Variants in NYAP2 observed in about 807,000 individuals in gnomAD.
NYAP2 encodes the protein neuronal tyrosine-phosphorylated phosphoinositide-3-kinase adaptor 2, also known as neuronal tyrosine-phosphorylated phosphoinositide-3-kinase adapter 2.
A neutral mutation model predicts 50.4 loss-of-function variants in NYAP2; 23 were observed. The ratio of observed to expected loss-of-function variants is 0.46; its 90% CI spans 0.33 to 0.65. The LOEUF (loss-of-function observed/expected upper bound fraction) is 0.65. NYAP2 is among the 30% of genes least tolerant of loss of function. The probability of loss-of-function intolerance (pLI) is 0.02; values close to 1 mark genes in which losing one functional copy is unlikely to be tolerated. For synonymous variants in NYAP2, 394 were observed against 365.2 expected, an observed-to-expected ratio of 1.08 and a Z score of -0.90; for missense variants, 885 against 861.0, an observed-to-expected ratio of 1.03 and a Z score of -0.35.
chr2:225,470,811 ATG>A lies in NYAP2; in HGVS notation c.222-42546_222-42545del, dbSNP rs113075606. 1.6e-3 allele frequency among the ~76,000 whole-genome samples: 243 copies of A among 148,188 alleles called. 3 individuals are homozygous for A. In the Middle Eastern group the frequency reaches 0.022, roughly 13 times the overall value. ...TTACATGAAATATATATGTATGTAT[ATG>A]TGTGTGTGTGTGTATATATATTGAG... On this transcript the variant is annotated intron_variant, in intron 3 of 6. Coordinates refer to ENST00000636099, the Ensembl canonical transcript of NYAP2.
intron 3 of NYAP2, among the ~76,000 whole-genome samples, chr2:225,486,772 C>T (rs957546067): frequency 4.6e-5 from 7 of 151,088 alleles, no homozygotes; most frequent in Admixed American, 4.6e-4. Context: ...AGGATATTCT[C>T]CCTTCACAGT....
At chr2:225,521,629 T>C (rs1377468472) in intron 4 of NYAP2, among the ~76,000 whole-genome samples, 15 of 151,798 alleles carry the variant, frequency 9.9e-5, no homozygotes, top group Non-Finnish European at 1.2e-4. Flanking sequence ...GAAGCCCACT[T>C]GATCATGGTG....
In NYAP2 at chr2:225,512,828, TC is replaced by T. The variant is rs1478707223; in HGVS notation, c.222-542del. Among the ~76,000 whole-genome samples the T allele has an allele frequency of 3.4e-4, 31 of 92,032 alleles. 2 individuals carry two copies. The highest frequency in any genetic ancestry group is 6.8e-4 in the African/African-American group (14 of 20,482). The allele number at this position is 92,032 out of a possible 152,430, so 60.4% of individuals were successfully genotyped here. On this transcript the variant is annotated intron_variant, in intron 3 of 6. Coordinates refer to ENST00000636099, the Ensembl canonical transcript of NYAP2. ...TCTTTCTTTTCTTTCTTTCTCTCTC[TC>T]TCTCTCTCTTTCTTTCTTTCTTTCT...
chr2:225,581,961 C>G, exon 5 of NYAP2: 1 of 1,606,010 alleles, frequency 6.2e-7, no homozygotes, highest in Non-Finnish European at 8.5e-7. Flanking sequence ...ACCAAGACCC[C>G]ACAGCGATGA....
At chr2:225,637,514 G>T (rs1038834579) in intron 6 of NYAP2, among the ~76,000 whole-genome samples, 1 of 152,112 alleles carries the variant, frequency 6.6e-6, no homozygotes, top group South Asian at 2.1e-4. Context: ...TGGGTGCTTG[G>T]TGGCTTCCCC....
chr2:225,590,185 C>T (rs886797962), intron 5 of NYAP2, among the ~76,000 whole-genome samples: 1 of 152,198 alleles, frequency 6.6e-6, no homozygotes, highest in Non-Finnish European at 1.5e-5. Flanking sequence ...TTGTTGGTTG[C>T]TCCTCTGCCG....
intron 6 of NYAP2, among the ~76,000 whole-genome samples, chr2:225,650,051 A>T (rs1444296296): frequency 6.6e-6 from 1 of 152,202 alleles, no homozygotes; most frequent in African/African-American, 2.4e-5. Flanking sequence ...GCATTGTTGA[A>T]TAGGTGGAAA....
intron 4 of NYAP2, among the ~76,000 whole-genome samples, chr2:225,522,153 A>G (rs1352463834): frequency 6.6e-6 from 1 of 151,664 alleles, no homozygotes; most frequent in Non-Finnish European, 1.5e-5. Context: ...CATCTATTTG[A>G]TTCTTCTCTC....
intron 5 of NYAP2, among the ~76,000 whole-genome samples, chr2:225,626,023 G>A (rs907602291): frequency 6.6e-6 from 1 of 152,182 alleles, no homozygotes. Context: ...TCTTCTGACT[G>A]ATAGATTTGG....
intron 4 of NYAP2, among the ~76,000 whole-genome samples, chr2:225,514,563 T>C (rs1690893230): frequency 6.6e-6 from 1 of 152,146 alleles, no homozygotes; most frequent in Non-Finnish European, 1.5e-5. Flanking sequence ...AAGGCCTCCC[T>C]GGCCTCTTCG....
At chr2:225,641,422 A>AACACACACACACACAC (rs56041107) in intron 6 of NYAP2, among the ~76,000 whole-genome samples, 3 of 133,646 alleles carry the variant, frequency 2.2e-5, no homozygotes, top group Non-Finnish European at 4.7e-5. Context: ...CAATCCCTCA[A>AACACACACACACACAC]ACACACACAC....
At chr2:225,505,272 T>G (rs1264496645) in intron 3 of NYAP2, among the ~76,000 whole-genome samples, 1 of 152,066 alleles carries the variant, frequency 6.6e-6, no homozygotes, top group Non-Finnish European at 1.5e-5. Context: ...CTTAAAATAT[T>G]AGGTGCATAA....
intron 3 of NYAP2, among the ~76,000 whole-genome samples, chr2:225,488,539 A>G (rs1337026351): frequency 6.6e-6 from 1 of 152,000 alleles, no homozygotes; most frequent in Non-Finnish European, 1.5e-5. Flanking sequence ...AAGCCCAGCT[A>G]ATTTTTGTAT....
At chr2:225,557,741 A>C (rs1691804399) in intron 4 of NYAP2, among the ~76,000 whole-genome samples, 1 of 152,070 alleles carries the variant, frequency 6.6e-6, no homozygotes. Context: ...GTTTTATTTC[A>C]TTTTTCTCCC....
the NYAP2 span, among the ~76,000 whole-genome samples, chr2:225,678,376 T>C: frequency 6.6e-6 from 1 of 152,184 alleles, no homozygotes; most frequent in Admixed American, 6.6e-5. Flanking sequence ...CTTTGTTTCA[T>C]TGATCTTTTG....
chr2:225,658,541 G>T (rs145503883), downstream of NYAP2, among the ~76,000 whole-genome samples: 404 of 152,320 alleles, frequency 2.7e-3, 5 homozygotes, highest in African/African-American at 9.4e-3. Context: ...AAGAATGTCA[G>T]TGGCTAAGTG....
intron 5 of NYAP2, among the ~76,000 whole-genome samples, chr2:225,619,171 T>G (rs1693044939): frequency 1.3e-5 from 2 of 152,240 alleles, no homozygotes; most frequent in Admixed American, 1.3e-4. Context: ...GACACAATAA[T>G]AGCAATTATT....
intron 4 of NYAP2, among the ~76,000 whole-genome samples, chr2:225,529,719 A>G (rs892182284): frequency 2.7e-5 from 4 of 148,914 alleles, no homozygotes; most frequent in African/African-American, 9.9e-5. Context: ...TTTATTATTT[A>G]TTTTTTGAGA....
chr2:225,519,411 G>A (rs1313560152), intron 4 of NYAP2, among the ~76,000 whole-genome samples: 3 of 145,080 alleles, frequency 2.1e-5, no homozygotes, highest in Admixed American at 6.9e-5. Flanking sequence ...TCCTAAAGCT[G>A]TCCCTCCCCC....
Sources: gnomAD v4.1 joint callset for allele counts (sites outside exome capture counted in the v4.1 genomes callset) on GRCh38, gnomAD v4.1.1 for gene constraint, MANE v1.5 for transcripts, NCBI Gene and HGNC (gene_info 2026-07-23, HGNC 2026-07-21) for gene names.